The following ARB2A variants were observed in gnomAD, a reference collection of about 807,000 sequenced individuals.
The protein encoded by ARB2A is cotranscriptional regulator ARB2A.
chr5:93,862,802 T>C, the ARB2A span: 2 of 152,244 alleles, frequency 1.3e-5, no homozygotes, highest in Non-Finnish European at 2.9e-5. Flanking sequence ...GAAAAATCTC[T>C]GATAATACTG....
At chr5:93,882,082 C>G in the ARB2A span, among the ~76,000 whole-genome samples, 1 of 151,284 alleles carries the variant, frequency 6.6e-6, no homozygotes, top group Non-Finnish European at 1.5e-5. Flanking sequence ...CCTCTGAAAT[C>G]AAAGTTTACA....
the ARB2A span, chr5:93,741,714 G>A: frequency 1.1e-6 from 1 of 877,484 alleles, no homozygotes; most frequent in Non-Finnish European, 1.7e-6. Context: ...AAATCTGGTA[G>A]ATCCATAGGA....
chr5:93,697,326 T>G, the ARB2A span, among the ~76,000 whole-genome samples: 1 of 152,164 alleles, frequency 6.6e-6, no homozygotes, highest in Non-Finnish European at 1.5e-5. Flanking sequence ...ATACAATATC[T>G]GGCTCTCTTG....
chr5:93,776,249 AT>A, the ARB2A span: 2 of 1,602,426 alleles, frequency 1.2e-6, no homozygotes, highest in Non-Finnish European at 1.7e-6. Flanking sequence ...CAGTTCTGCA[AT>A]GTAATAGAGA....
At chr5:94,024,279 A>C in the ARB2A span, among the ~76,000 whole-genome samples, 1 of 152,158 alleles carries the variant, frequency 6.6e-6, no homozygotes, top group Admixed American at 6.5e-5. Flanking sequence ...TTAGCAAAAT[A>C]AAGGCTGACC....
At chr5:94,008,880 T>C in the ARB2A span, among the ~76,000 whole-genome samples, 3 of 152,164 alleles carry the variant, frequency 2.0e-5, no homozygotes, top group Non-Finnish European at 1.5e-5. Context: ...CACAATGTGC[T>C]CTTCCTGCTG....
chr5:93,885,347 T>G, the ARB2A span, among the ~76,000 whole-genome samples: 5 of 151,752 alleles, frequency 3.3e-5, no homozygotes, highest in East Asian at 9.7e-4. Flanking sequence ...TTAAACATTT[T>G]ATGTTGAAGT....
At chr5:93,721,558 A>G in the ARB2A span, among the ~76,000 whole-genome samples, 5 of 152,180 alleles carry the variant, frequency 3.3e-5, no homozygotes, top group East Asian at 1.9e-4. Flanking sequence ...GAATCAATCA[A>G]TAAGGATACA....
chr5:93,938,389 A>G, the ARB2A span, among the ~76,000 whole-genome samples: 6 of 152,208 alleles, frequency 3.9e-5, no homozygotes, highest in Admixed American at 3.9e-4. Context: ...AGCACTGAGA[A>G]AAATTATTGG....
At chr5:93,856,726 A>C in the ARB2A span, among the ~76,000 whole-genome samples, 1 of 151,878 alleles carries the variant, frequency 6.6e-6, no homozygotes, top group Non-Finnish European at 1.5e-5. Context: ...CTTTGGTTTG[A>C]ATTTCCTCCT....
the ARB2A span, among the ~76,000 whole-genome samples, chr5:94,019,460 A>T: frequency 2.0e-5 from 3 of 152,226 alleles, no homozygotes; most frequent in African/African-American, 4.8e-5. Flanking sequence ...AAACAACCCC[A>T]TCAAAAAGTG....
chr5:94,088,247 A>G, the ARB2A span, among the ~76,000 whole-genome samples: 5 of 152,204 alleles, frequency 3.3e-5, no homozygotes, highest in Non-Finnish European at 7.3e-5. Flanking sequence ...CTGTTTTCAA[A>G]CGGAACTAGT....
chr5:93,757,594 C>T, the ARB2A span, among the ~76,000 whole-genome samples: 1 of 152,148 alleles, frequency 6.6e-6, no homozygotes, highest in Admixed American at 6.5e-5. Flanking sequence ...TCAAACAAAA[C>T]AATTATCAGC....
the ARB2A span, among the ~76,000 whole-genome samples, chr5:93,885,652 T>C: frequency 5.1e-3 from 775 of 151,776 alleles, 10 homozygotes; most frequent in African/African-American, 0.018. Flanking sequence ...AGAGGATATA[T>C]ATTGGTAAAA....
At chr5:94,094,441 A>T in the ARB2A span, among the ~76,000 whole-genome samples, 1 of 152,170 alleles carries the variant, frequency 6.6e-6, no homozygotes, top group East Asian at 1.9e-4. Context: ...TGCTTACTCC[A>T]AATGCAATCA....
the ARB2A span, among the ~76,000 whole-genome samples, chr5:93,831,226 T>G: frequency 5.3e-5 from 8 of 151,704 alleles, no homozygotes; most frequent in Non-Finnish European, 1.0e-4. Context: ...GGAACCTTGT[T>G]CTAGTCTTTC....
the ARB2A span, among the ~76,000 whole-genome samples, chr5:94,068,933 G>A: frequency 1.3e-5 from 2 of 151,708 alleles, no homozygotes; most frequent in African/African-American, 4.8e-5. Flanking sequence ...TACTCAGGAG[G>A]CTGAGACTAG....
chr5:93,640,461 G>A, the ARB2A span, among the ~76,000 whole-genome samples: 1 of 151,166 alleles, frequency 6.6e-6, no homozygotes, highest in Non-Finnish European at 1.5e-5. Context: ...AAAAAAAAAA[G>A]TTTACAATCT....
At chr5:93,697,466 C>T in the ARB2A span, among the ~76,000 whole-genome samples, 207 of 152,216 alleles carry the variant, frequency 1.4e-3, 1 homozygote, top group African/African-American at 4.6e-3. Flanking sequence ...AAAAATCTCA[C>T]CTCATATATG....
Sources: allele counts gnomAD v4.1 joint callset (sites outside exome capture counted in the v4.1 genomes callset), GRCh38; gene constraint gnomAD v4.1.1; transcripts MANE v1.5; gene names NCBI Gene and HGNC (gene_info 2026-07-23, HGNC 2026-07-21).